The following CNTFR variants were observed in gnomAD, a reference collection of about 807,000 sequenced individuals.
CNTFR encodes ciliary neurotrophic factor receptor subunit alpha.
CNTFR carries 12 observed loss-of-function variants against 40.4 expected under a neutral mutation model. The ratio of observed to expected loss-of-function variants is 0.30; its 90% CI spans 0.19 to 0.48. The LOEUF is 0.48. CNTFR is among the 20% of genes least tolerant of loss of function. CNTFR has a pLI of 0.99. For synonymous variants in CNTFR, 202 were observed against 209.6 expected (o/e 0.96, Z 0.31); for missense variants, 414 against 506.8 (o/e 0.82, Z 1.76).
intron 4 of CNTFR, among the ~76,000 whole-genome samples, chr9:34,559,082 G>A (rs937374948): frequency 3.3e-5 from 5 of 152,136 alleles, no homozygotes; most frequent in African/African-American, 1.2e-4. Context: ...CCTCCCTCCT[G>A]TGCCTCCCCC....
rs569669466 is a variant in CNTFR, at chr9:34,563,440, C to T, written c.319+1159G>A. On this transcript the variant is annotated intron_variant, in intron 4 of 9. Transcript: ENST00000378980. ...GGTGCACGTTCTGCATCTGCACCTT[C>T]GGTGGTTAACCTCAGTCGCCAAGAG... Among the ~76,000 whole-genome samples the T allele has an allele frequency of 1.1e-4, 16 of 152,364 alleles. No individual in the cohort carries two copies. In the South Asian group the frequency reaches 1.5e-3, roughly 14 times the overall value.
chr9:34,565,767 C>T (rs991459914), intron 3 of CNTFR, among the ~76,000 whole-genome samples: 36 of 152,230 alleles, frequency 2.4e-4, no homozygotes, highest in African/African-American at 7.2e-4. Context: ...GTGGGGGAAG[C>T]GATCAGGGCA....
chr9:34,553,346 C>T (rs1247913879), intron 7 of CNTFR, among the ~76,000 whole-genome samples: 1 of 152,124 alleles, frequency 6.6e-6, no homozygotes, highest in Non-Finnish European at 1.5e-5. Context: ...GGCCCCATCC[C>T]TTAGTAGTGA....
At chr9:34,578,643 C>T (rs997748561) in intron 2 of CNTFR, among the ~76,000 whole-genome samples, 2 of 152,252 alleles carry the variant, frequency 1.3e-5, no homozygotes, top group Non-Finnish European at 2.9e-5. Context: ...CACTTTCCCA[C>T]ATTTTTTAGG....
chr9:34,562,902 G>A (rs944870840), intron 4 of CNTFR, among the ~76,000 whole-genome samples: 3 of 152,050 alleles, frequency 2.0e-5, no homozygotes, highest in African/African-American at 7.3e-5. Flanking sequence ...CTACCTTCTT[G>A]CTGGCTCCTT....
rs765695955 is a variant in CNTFR at position 34,589,100 on chromosome 9, C to T, written c.-112+455G>A. Reference sequence around the variant, plus strand: ...GCGGGCGCGCGGATTCACACGGACACACATGCACTGGCAGACGCGCAACCG... The same window carrying T: ...GCGGGCGCGCGGATTCACACGGACATACATGCACTGGCAGACGCGCAACCG... On this transcript the variant is annotated intron_variant, in intron 1 of 9. Transcript: ENST00000378980. This position sits in a 1 kb window ranked among gnomAD's most constrained non-coding sequence, Gnocchi z 4.4. Among the ~76,000 whole-genome samples, 2 of 152,138 alleles carry T rather than the reference C, an allele frequency of 1.3e-5. No individual in the cohort carries two copies. Among genetic ancestry groups the T allele is most frequent in the Non-Finnish European group, 2.9e-5 (2 of 68,018 alleles).
At chr9:34,556,844 A>G (rs1825853915) in intron 6 of CNTFR, among the ~76,000 whole-genome samples, 2 of 152,028 alleles carry the variant, frequency 1.3e-5, no homozygotes, top group Admixed American at 6.5e-5. Context: ...TTTCACTTCA[A>G]CTTTTCCAGT....
At position 34,557,553 on chromosome 9, in the gene CNTFR, C is replaced by T; in HGVS notation, c.577G>A (p.Ala193Thr). The stretch of plus-strand genomic sequence containing the variant: ...ATGGTGAACTCGTCAAAGGTGATAG[C>T]TGTGGCATTGTGGCCCAGGGCATTG... ...VSNALGHNATAITFDEFTIVK... is the reference protein window; with the variant it reads ...VSNALGHNATTITFDEFTIVK... Residue 193 changes from alanine (A) to threonine (T), a missense_variant, in exon 6 of 10, where the codon GCT (alanine) becomes ACT (threonine). Ala to Thr is a moderately conservative substitution (Grantham distance 58, BLOSUM62 0). Coordinates refer to ENST00000378980, the MANE Select transcript of CNTFR (RefSeq NM_147164.3). This position sits in a 1 kb window ranked among gnomAD's most constrained non-coding sequence, Gnocchi z 4.2. 6.2e-7 allele frequency: 1 copy of T among 1,614,172 alleles called. No individual in the cohort carries two copies. The highest frequency in any genetic ancestry group is 1.3e-5 in the African/African-American group (1 of 75,064).
chr9:34,588,115 G>GT (rs1827617971), intron 1 of CNTFR, among the ~76,000 whole-genome samples: 1 of 151,796 alleles, frequency 6.6e-6, no homozygotes, highest in Admixed American at 6.6e-5. Flanking sequence ...CTCAGTTGGA[G>GT]TATCAGCCCT....
chr9:34,555,229 C>A (rs1825788195), intron 7 of CNTFR, among the ~76,000 whole-genome samples: 1 of 152,200 alleles, frequency 6.6e-6, no homozygotes, highest in African/African-American at 2.4e-5. Context: ...ACTCCGGACT[C>A]TGTCAGGGAA....
At chr9:34,571,666 G>C (rs544542771) in intron 2 of CNTFR, among the ~76,000 whole-genome samples, 1 of 152,100 alleles carries the variant, frequency 6.6e-6, no homozygotes, top group Non-Finnish European at 1.5e-5. Context: ...TGTAAGGGCC[G>C]GGCCCTGGGC....
chr9:34,584,690 C>T (rs182658271), intron 1 of CNTFR, among the ~76,000 whole-genome samples: 95 of 152,344 alleles, frequency 6.2e-4, no homozygotes, highest in African/African-American at 2.2e-3. Flanking sequence ...CCAAGAAACT[C>T]ACACCTAGAG....
chr9:34,583,620 G>A (rs1425249647), intron 1 of CNTFR, among the ~76,000 whole-genome samples: 1 of 149,750 alleles, frequency 6.7e-6, no homozygotes, highest in Non-Finnish European at 1.5e-5. Context: ...CCTCCTTCCA[G>A]GCCTCCCACC....
chr9:34,563,118 C>G lies in CNTFR; in HGVS notation c.319+1481G>C, dbSNP rs200404249. ...CTCCCCGAATCCCAGACGCTCAGAC[C>G]CACTGGTTACCAGCCATCAACTCCC... On this transcript the variant is annotated intron_variant, in intron 4 of 9. Transcript: ENST00000378980. Among the ~76,000 whole-genome samples the G allele has an allele frequency of 3.3e-5, 5 of 152,124 alleles. No individual in the cohort carries two copies. In the East Asian group the frequency reaches 9.6e-4, roughly 29 times the overall value.
At chr9:34,563,528 C>G (rs922477555) in intron 4 of CNTFR, among the ~76,000 whole-genome samples, 2 of 152,248 alleles carry the variant, frequency 1.3e-5, no homozygotes, top group African/African-American at 4.8e-5. Context: ...TGTCACTTTC[C>G]CATTCCTTCA....
At chr9:34,575,840 C>A (rs535498026) in intron 2 of CNTFR, among the ~76,000 whole-genome samples, 2 of 152,164 alleles carry the variant, frequency 1.3e-5, no homozygotes, top group Non-Finnish European at 2.9e-5. Context: ...GTTCTCTCTG[C>A]CCCCTAACGT....
intron 7 of CNTFR, among the ~76,000 whole-genome samples, chr9:34,555,943 CCTCCCCCACCAT>C (rs1825817827): frequency 7.8e-6 from 1 of 128,252 alleles, no homozygotes; most frequent in African/African-American, 3.0e-5. Flanking sequence ...CCGCCATCTC[CCTCCCCCACCAT>C]CTCCCTCCCC....
At chr9:34,566,213 T>G (rs1826285438) in intron 3 of CNTFR, among the ~76,000 whole-genome samples, 1 of 152,126 alleles carries the variant, frequency 6.6e-6, no homozygotes, top group Non-Finnish European at 1.5e-5. Flanking sequence ...TGTCCCGGTT[T>G]GCTGCCTCTG....
At position 34,568,930 on chromosome 9, in the gene CNTFR, C is replaced by G; in HGVS notation, c.52G>C (p.Ala18Pro). Residue 18 changes from alanine to proline, a missense_variant, in exon 3 of 10, where the codon GCA becomes CCA. Physicochemically the swap from Ala to Pro is conservative, Grantham distance 27. Around this residue, in one of 3 missense-constraint regions of CNTFR, gnomAD observed 250 missense variants for 269.5 expected, o/e 0.93. Coordinates refer to ENST00000378980, the MANE Select transcript of CNTFR (RefSeq NM_147164.3). Reference sequence around the variant, plus strand: ...CTGTGTCTCTGGGCGTAGACAACTGCGGCGGCGGCGGCAAGCACAGCACAG... The same window carrying G: ...CTGTGTCTCTGGGCGTAGACAACTGGGGCGGCGGCGGCAAGCACAGCACAG... Reference protein sequence around the residue: ...ACCAVLAAAAAVVYAQRHSPQ... With the variant: ...ACCAVLAAAAPVVYAQRHSPQ... The G allele has an allele frequency of 6.3e-7, 1 of 1,597,070 alleles. No individual in the cohort carries two copies. Among genetic ancestry groups the G allele is most frequent in the Non-Finnish European group, 8.5e-7 (1 of 1,172,522 alleles).
Sources: gnomAD v4.1 joint callset for allele counts (sites outside exome capture counted in the v4.1 genomes callset) on GRCh38, gnomAD v4.1.1 for gene constraint, gnomAD v4.1.1 regional missense constraint, Gnocchi (gnomAD v3.1) non-coding constraint, MANE v1.5 for transcripts, NCBI Gene and HGNC (gene_info 2026-07-23, HGNC 2026-07-21) for gene names.